CALR3: variants seen among roughly 807,000 people sequenced by gnomAD.
CALR3 encodes the protein calreticulin 3.
CALR3 carries 39 observed loss-of-function variants against 48.7 expected under a neutral mutation model. The observed-to-expected ratio is 0.80, with a 90% CI of 0.62 to 1.05. CALR3 has a LOEUF of 1.05. Among genes scored for constraint, CALR3 ranks in the 50% least tolerant of loss-of-function variants. The pLI is 0.00. For missense variants in CALR3, 449 were observed against 474.7 expected (o/e 0.95, Z 0.50); for synonymous variants, 185 against 172.7 (o/e 1.07, Z -0.56).
At chr19:16,492,037 C>A (rs1381969672) in intron 2 of CALR3, among the ~76,000 whole-genome samples, 1 of 151,864 alleles carries the variant, frequency 6.6e-6, no homozygotes, top group Non-Finnish European at 1.5e-5. Context: ...CCACGTTGCC[C>A]AGGCTGGTCT....
Position 16,479,157 on chromosome 19 carries a change from G to A in CALR3, c.1129C>T (p.Gln377Ter), listed in dbSNP as rs372514243. The change falls in exon 9 of 9, where the codon CAA becomes TAA. Residue 377 changes from glutamine (Q) to a stop codon, truncating the protein, a stop_gained. Transcript: ENST00000269881. LOFTEE classifies it high-confidence loss of function. ...KINRHEHYFN[Q>*]FHRRNEL ...TAAAGTTCATTCCTTCTGTGAAATT[G>A]ATTGAAGTAATGTTCGTGCCTGTTA... The A allele has an allele frequency of 1.2e-6, 2 of 1,614,068 alleles. No homozygotes were observed. Among genetic ancestry groups the A allele is most frequent in the East Asian group, 4.5e-5 (2 of 44,878 alleles).
At chr19:16,485,070 G>A (rs981163094) in intron 4 of CALR3, 93 bp downstream of exon 4, 4 of 871,340 alleles carry the variant, frequency 4.6e-6, no homozygotes, top group Non-Finnish European at 7.5e-6. Flanking sequence ...ACCCATCCCT[G>A]GCTCAGTTAA....
chr19:16,490,421 C>T lies in CALR3; in HGVS notation c.343G>A (p.Ala115Thr). The T allele has an allele frequency of 2.5e-6, 4 of 1,614,136 alleles. No individual in the cohort carries two copies. The highest frequency in any genetic ancestry group is 3.4e-6 in the Non-Finnish European group (4 of 1,180,028). The change falls in exon 3 of 9, where the codon GCA (alanine) becomes ACA (threonine). Residue 115 changes from alanine (A) to threonine (T), a missense_variant. Coordinates refer to ENST00000269881, the MANE Select transcript of CALR3 (RefSeq NM_145046.5). ...CGGGYIKVFP[A>T]DIDQKNLNGK... The stretch of plus-strand genomic sequence containing the variant: ...TTCAGGTTCTTCTGGTCAATGTCTG[C>T]AGGAAAGACCTTAATGTAGCCCCCT...
At chr19:16,495,697 G>T in intron 2 of CALR3, 54 bp downstream of exon 2, 1 of 1,360,614 alleles carries the variant, frequency 7.3e-7, no homozygotes, top group Admixed American at 1.7e-5. Flanking sequence ...TACCTAGAGA[G>T]GTTGCTATGG....
At chr19:16,491,716 G>T (rs1283176543) in intron 2 of CALR3, among the ~76,000 whole-genome samples, 2 of 150,588 alleles carry the variant, frequency 1.3e-5, no homozygotes, top group East Asian at 4.2e-4. Context: ...GGCGGAGGTT[G>T]CAGTGAGCCG....
At chr19:16,488,340 C>T (rs192432237) in intron 3 of CALR3, among the ~76,000 whole-genome samples, 15 of 152,176 alleles carry the variant, frequency 9.9e-5, no homozygotes, top group Admixed American at 5.9e-4. Flanking sequence ...TGCCTGGCCT[C>T]CCAAAAGTGC....
intron 3 of CALR3, 122 bp downstream of exon 3, chr19:16,490,245 G>A (rs1015077256): frequency 2.4e-4 from 195 of 820,480 alleles, no homozygotes; most frequent in Non-Finnish European, 3.6e-4. Flanking sequence ...ACAAACCTTG[G>A]ATCCGATATA....
chr19:16,483,693 G>T, intron 5 of CALR3: 1 of 477,258 alleles, frequency 2.1e-6, no homozygotes, highest in Non-Finnish European at 3.8e-6. Context: ...ACTCCAGCCT[G>T]GGCAAGAAGA....
intron 7 of CALR3, 109 bp from the exon 8 acceptor site, chr19:16,480,815 T>C (rs2093379586): frequency 1.1e-6 from 1 of 894,824 alleles, no homozygotes; most frequent in Non-Finnish European, 1.8e-6. Context: ...TGACATTTTT[T>C]ATTTTTTAGA....
At chr19:16,481,923 T>TTTTTTTTTTTTTTTTTTTTTTTTTTTTC (rs35650345) in intron 7 of CALR3, among the ~76,000 whole-genome samples, 1 of 126,294 alleles carries the variant, frequency 7.9e-6, no homozygotes. Flanking sequence ...TTTTTTTTTT[T>TTTTTTTTTTTTTTTTTTTTTTTTTTTTC]TGAGACGGAG....
chr19:16,480,490 T>G, intron 8 of CALR3, 124 bp downstream of exon 8: 1 of 694,484 alleles, frequency 1.4e-6, no homozygotes, highest in East Asian at 2.8e-5. Context: ...AGGTGGAGGT[T>G]GCAGTGAGCC....
chr19:16,483,049 T>C (rs2093383582), intron 5 of CALR3, among the ~76,000 whole-genome samples: 1 of 152,050 alleles, frequency 6.6e-6, no homozygotes, highest in African/African-American at 2.4e-5. Context: ...CTCCCTCTGT[T>C]GCCCAGGCTG....
rs766005088 is a variant in CALR3 at position 16,496,101 on chromosome 19, G to A, written c.29C>T (p.Ala10Val). MARALVQLW[A>V]ICMLRVALAT... ...CAGCGCCACTCGCAGCATGCATATG[G>A]CCCAGAGCTGGACCAAAGCCCGGGC... is the stretch of plus-strand genomic sequence containing the variant. Residue 10 changes from alanine (A) to valine (V), a missense_variant, in exon 1 of 9, where the codon GCC becomes GTC. By Grantham distance (64) the Ala-to-Val change is moderately conservative. Coordinates refer to ENST00000269881, the MANE Select transcript of CALR3 (RefSeq NM_145046.5). The A allele has an allele frequency of 1.2e-6, 2 of 1,605,518 alleles. No homozygotes were observed. Among genetic ancestry groups the A allele is most frequent in the Non-Finnish European group, 1.7e-6 (2 of 1,176,276 alleles).
chr19:16,482,852 G>T (rs2093383316), intron 5 of CALR3, 67 bp from the exon 6 acceptor site: 1 of 1,465,724 alleles, frequency 6.8e-7, no homozygotes. Context: ...TGTTGCTTCT[G>T]TTTTTGTTTC....
chr19:16,482,413 A>G (rs79331001), intron 7 of CALR3, 37 bp downstream of exon 7: 1 of 1,613,708 alleles, frequency 6.2e-7, no homozygotes, highest in Non-Finnish European at 8.5e-7. Context: ...AAACACACAC[A>G]CGCAAAAAAT....
chr19:16,482,687 G>A lies in CALR3; in HGVS notation c.777C>T (p.Pro259=), dbSNP rs143252466. 9.3e-6 allele frequency: 15 copies of A among 1,614,020 alleles called. No homozygotes were observed. In the African/African-American group the frequency reaches 1.9e-4, roughly 20 times the overall value. ...GDWPAPMLQK[P]PYQDGLKPEG... ...CAAAGAGGCCACACACCTGGTACGG[G>A]GGCTTCTGGAGCATCGGCGCTGGCC... The change falls in exon 6 of 9, where the codon CCC becomes CCT. Residue 259 remains proline, a synonymous_variant. Transcript: ENST00000269881.
At chr19:16,488,175 C>T (rs545758817) in intron 3 of CALR3, among the ~76,000 whole-genome samples, 3 of 152,098 alleles carry the variant, frequency 2.0e-5, no homozygotes, top group Admixed American at 1.3e-4. Context: ...TCTCGAACTC[C>T]CGACCTAAGG....
Position 16,479,269 on chromosome 19 carries a change from T to C in CALR3, c.1017A>G (p.Pro339=), listed in dbSNP as rs2093376547. 1.2e-6 allele frequency: 2 copies of C among 1,614,014 alleles called. No individual in the cohort carries two copies. The highest frequency in any genetic ancestry group is 2.7e-5 in the African/African-American group (2 of 74,986). ...CCTGTATGGCATCCATCTCCCTTTC[T>C]GGACCCTGGAGAAAGAAAGAAAAAA... The part of the protein sequence containing the change: ...GKATWGETKG[P]EREMDAIQAK... Residue 339 remains proline (P), a synonymous_variant, in exon 9 of 9, where the codon CCA becomes CCG. Coordinates refer to ENST00000269881, the MANE Select transcript of CALR3 (RefSeq NM_145046.5).
chr19:16,480,758 G>A (rs2093379529), intron 7 of CALR3, 52 bp from the exon 8 acceptor site: 1 of 1,292,322 alleles, frequency 7.7e-7, no homozygotes, highest in Non-Finnish European at 1.1e-6. Flanking sequence ...TTTATTATTT[G>A]TTTATTTTTC....
Sources: allele counts gnomAD v4.1 joint callset (sites outside exome capture counted in the v4.1 genomes callset), GRCh38; gene constraint gnomAD v4.1.1; transcripts MANE v1.5; gene names NCBI Gene and HGNC (gene_info 2026-07-23, HGNC 2026-07-21).